The following SLC14A1 variants were observed in gnomAD, a reference collection of about 807,000 sequenced individuals.
SLC14A1 encodes the protein urea transporter 1.
A neutral mutation model predicts 39.6 loss-of-function variants in SLC14A1; 36 were observed. That is an observed-to-expected ratio of 0.91 (90% CI 0.70 to 1.20). The LOEUF is 1.20. SLC14A1 is among the 50% of genes most tolerant of loss of function. The pLI is 0.00. For missense variants in SLC14A1, 469 were observed against 478.7 expected (o/e 0.98, Z 0.19); for synonymous variants, 164 against 173.6 (o/e 0.94, Z 0.43).
intron 5 of SLC14A1, among the ~76,000 whole-genome samples, chr18:45,735,365 C>A (rs1208436772): frequency 6.6e-6 from 1 of 152,214 alleles, no homozygotes; most frequent in African/African-American, 2.4e-5. Flanking sequence ...AACGCATTCC[C>A]ACATGATGCT....
chr18:45,728,143 C>G (rs2046925080), intron 2 of SLC14A1, among the ~76,000 whole-genome samples: 1 of 152,188 alleles, frequency 6.6e-6, no homozygotes, highest in Non-Finnish European at 1.5e-5. Context: ...TTGGAGAAAA[C>G]TAGTTTAATC....
intron 4 of SLC14A1, among the ~76,000 whole-genome samples, chr18:45,732,814 G>T (rs1239380575): frequency 1.3e-5 from 2 of 152,170 alleles, no homozygotes; most frequent in Non-Finnish European, 2.9e-5. Flanking sequence ...CCAACTCTCA[G>T]AGCTGTGGGA....
At chr18:45,746,842 T>C (rs1039837036) in intron 8 of SLC14A1, among the ~76,000 whole-genome samples, 3 of 152,174 alleles carry the variant, frequency 2.0e-5, no homozygotes, top group East Asian at 3.8e-4. Context: ...AGGTGCCTTT[T>C]TACAGATGAT....
At chr18:45,731,860 A>C (rs890753014) in intron 4 of SLC14A1, among the ~76,000 whole-genome samples, 4 of 152,236 alleles carry the variant, frequency 2.6e-5, no homozygotes, top group Admixed American at 6.5e-5. Context: ...CCAGTATTCC[A>C]GGTGTCTGAG....
At chr18:45,745,432 A>G (rs867815188) in intron 8 of SLC14A1, among the ~76,000 whole-genome samples, 14 of 152,260 alleles carry the variant, frequency 9.2e-5, no homozygotes, top group Admixed American at 3.9e-4. Context: ...CATCTAAGGA[A>G]AAAGGGGTCC....
intron 5 of SLC14A1, among the ~76,000 whole-genome samples, chr18:45,734,604 G>A (rs2047131226): frequency 6.6e-6 from 1 of 152,218 alleles, no homozygotes; most frequent in African/African-American, 2.4e-5. Flanking sequence ...GCCGGGTGCG[G>A]TGGTTCTTGT....
Position 45,739,296 on chromosome 18 carries a change from T to C in SLC14A1, c.797T>C (p.Leu266Pro). Residue 266 changes from leucine to proline, a missense_variant, in exon 7 of 10, where the codon CTG becomes CCG. Coordinates refer to ENST00000321925, the MANE Select transcript of SLC14A1 (RefSeq NM_015865.7). ...CTGCATGCTGCCATAGGATCATTGCTGGGCATAGCAGCGGGTGAGCACAAG... is the reference window on the plus strand; with the variant it reads ...CTGCATGCTGCCATAGGATCATTGCCGGGCATAGCAGCGGGTGAGCACAAG... ...MCLHAAIGSLLGIAAGLSLSA... is the reference protein window; with the variant it reads ...MCLHAAIGSLPGIAAGLSLSA... 1 of 1,614,186 alleles carries C rather than the reference T, an allele frequency of 6.2e-7. No homozygotes were observed. The highest frequency in any genetic ancestry group is 8.5e-7 in the Non-Finnish European group (1 of 1,180,016).
intron 8 of SLC14A1, among the ~76,000 whole-genome samples, chr18:45,745,509 T>C (rs562991055): frequency 1.3e-5 from 2 of 152,314 alleles, no homozygotes; most frequent in African/African-American, 4.8e-5. Context: ...AGACATTTTA[T>C]ATGATAAGTG....
At chr18:45,740,732 C>G (rs1005587834) in intron 8 of SLC14A1, among the ~76,000 whole-genome samples, 5 of 152,030 alleles carry the variant, frequency 3.3e-5, no homozygotes, top group African/African-American at 1.2e-4. Flanking sequence ...GAGATGGGGT[C>G]TCCCTATGTT....
chr18:45,724,594 T>A (rs1418406902), intron 1 of SLC14A1, among the ~76,000 whole-genome samples: 2 of 152,226 alleles, frequency 1.3e-5, no homozygotes, highest in African/African-American at 4.8e-5. Context: ...ATCAACACTA[T>A]TAGGAGTTTC....
intron 2 of SLC14A1, among the ~76,000 whole-genome samples, chr18:45,725,459 C>T (rs1489866889): frequency 6.6e-6 from 1 of 152,184 alleles, no homozygotes; most frequent in Non-Finnish European, 1.5e-5. Flanking sequence ...CAGAGAGTAA[C>T]TGCTTCTGGC....
At chr18:45,737,982 T>C (rs2047246538) in intron 6 of SLC14A1, among the ~76,000 whole-genome samples, 1 of 152,030 alleles carries the variant, frequency 6.6e-6, no homozygotes, top group South Asian at 2.1e-4. Flanking sequence ...TGCAGCCAAG[T>C]CCAAAAACAA....
At chr18:45,741,619 T>C (rs1599304603) in intron 8 of SLC14A1, among the ~76,000 whole-genome samples, 1 of 152,228 alleles carries the variant, frequency 6.6e-6, no homozygotes, top group Non-Finnish European at 1.5e-5. Context: ...TGTCATTTTG[T>C]CAAATTCTTT....
At chr18:45,738,216 C>G (rs1027935225) in intron 6 of SLC14A1, among the ~76,000 whole-genome samples, 1 of 152,210 alleles carries the variant, frequency 6.6e-6, no homozygotes, top group African/African-American at 2.4e-5. Context: ...GGGGCTCCCT[C>G]TGGTAGAGTC....
Position 45,751,466 on chromosome 18 carries a change from C to T in SLC14A1, c.*1515C>T. 1 of 984,906 alleles carries T rather than the reference C, an allele frequency of 1.0e-6. No homozygotes were observed. The highest frequency in any genetic ancestry group is 1.1e-4 in the East Asian group (1 of 8,772). 61.0% of individuals were successfully genotyped at this position (984,906 alleles called of 1,614,324 possible). A position where few individuals can be genotyped will look rare whatever the true frequency, so the allele number is the denominator to read the frequency against. ...TATCAGTTCCGTAAAGTCTCTGTAA[C>T]CAAACATACTGAAGACAGCAACAGA... On this transcript the variant is annotated 3_prime_UTR_variant, in exon 10 of 10. Coordinates refer to ENST00000321925, the MANE Select transcript of SLC14A1 (RefSeq NM_015865.7).
At chr18:45,726,934 C>G (rs28994273) in intron 2 of SLC14A1, 2,914 of 218,138 alleles carry the variant, frequency 0.013, 73 homozygotes, top group African/African-American at 0.057. Context: ...GAAGCAACCT[C>G]AGATCCAACA....
intron 6 of SLC14A1, chr18:45,737,563 C>T (rs11082466): frequency 0.61 from 93,022 of 152,026 alleles, 29,026 homozygotes; most frequent in East Asian, 0.93. Flanking sequence ...CACCTTCTCC[C>T]TAGCTTCTTG....
chr18:45,741,932 C>T (rs2047388396), intron 8 of SLC14A1, among the ~76,000 whole-genome samples: 1 of 152,098 alleles, frequency 6.6e-6, no homozygotes, highest in South Asian at 2.1e-4. Context: ...GAAGTAGCCA[C>T]AAATATGTAT....
At chr18:45,727,282 G>A (rs1281624004) in intron 2 of SLC14A1, 6 of 1,551,562 alleles carry the variant, frequency 3.9e-6, no homozygotes, top group Admixed American at 2.0e-5. Context: ...ATGAATGGAC[G>A]GTCTTTGATT....
Sources: gnomAD v4.1 joint callset for allele counts (sites outside exome capture counted in the v4.1 genomes callset) on GRCh38, gnomAD v4.1.1 for gene constraint, MANE v1.5 for transcripts, NCBI Gene and HGNC (gene_info 2026-07-23, HGNC 2026-07-21) for gene names.